The following SNTG1 variants were observed in gnomAD, a reference collection of about 807,000 sequenced individuals.
The protein encoded by SNTG1 is gamma-1-syntrophin.
Under a neutral mutation model 74.7 loss-of-function variants are expected in SNTG1, and 39 were observed. That is an observed-to-expected ratio of 0.52 (90% confidence interval 0.40 to 0.68). The LOEUF (loss-of-function observed/expected upper bound fraction) is 0.68. Ranked by LOEUF, SNTG1 falls within the 30% of genes least tolerant of loss-of-function variation. SNTG1 has a pLI of 0.00. For synonymous variants in SNTG1, 254 were observed against 217.1 expected (o/e 1.17, Z -1.49); for missense variants, 685 against 609.5 (o/e 1.12, Z -1.30).
intron 12 of SNTG1, among the ~76,000 whole-genome samples, chr8:50,572,800 A>G (rs543022852): frequency 1.3e-5 from 2 of 152,278 alleles, no homozygotes; most frequent in Non-Finnish European, 2.9e-5. Context: ...TCTATAGAAT[A>G]ATGATCTCTC....
At chr8:50,017,702 G>A (rs1816457942) in intron 1 of SNTG1, among the ~76,000 whole-genome samples, 1 of 151,782 alleles carries the variant, frequency 6.6e-6, no homozygotes, top group Admixed American at 6.6e-5. Context: ...TCAAAAAATG[G>A]AAGATATATG....
intron 17 of SNTG1, among the ~76,000 whole-genome samples, chr8:50,749,270 G>A (rs770991462): frequency 1.3e-5 from 2 of 152,110 alleles, no homozygotes; most frequent in African/African-American, 2.4e-5. Flanking sequence ...TCTCTTTTCA[G>A]ATCTATGAAA....
chr8:50,727,015 G>A (rs1164727745), intron 17 of SNTG1, among the ~76,000 whole-genome samples: 1 of 152,108 alleles, frequency 6.6e-6, no homozygotes, highest in Non-Finnish European at 1.5e-5. Flanking sequence ...AAAAAGGGAA[G>A]GGAGTGGGCT....
chr8:50,302,459 T>A (rs1452674170), intron 2 of SNTG1, among the ~76,000 whole-genome samples: 1 of 152,132 alleles, frequency 6.6e-6, no homozygotes, highest in African/African-American at 2.4e-5. Context: ...ACTGCCACCT[T>A]CTGTAGTGAG....
chr8:50,007,565 T>G (rs1458173861), intron 1 of SNTG1, among the ~76,000 whole-genome samples: 8 of 152,034 alleles, frequency 5.3e-5, no homozygotes, highest in African/African-American at 1.9e-4. Flanking sequence ...ATTTTAAAGG[T>G]CAGAAAGGTA....
At chr8:49,962,070 GC>G in intron 1 of SNTG1, among the ~76,000 whole-genome samples, 1 of 152,254 alleles carries the variant, frequency 6.6e-6, no homozygotes, top group Non-Finnish European at 1.5e-5. Flanking sequence ...TTAGTAGGTT[GC>G]CCTTGAGCGG....
At chr8:49,965,720 T>G (rs545408006) in intron 1 of SNTG1, among the ~76,000 whole-genome samples, 65 of 152,214 alleles carry the variant, frequency 4.3e-4, no homozygotes, top group African/African-American at 1.3e-3. Context: ...ATAACACAAA[T>G]AGGGCCCACT....
chr8:50,270,646 A>T (rs904485512), intron 2 of SNTG1, among the ~76,000 whole-genome samples: 1 of 152,192 alleles, frequency 6.6e-6, no homozygotes, highest in Non-Finnish European at 1.5e-5. Context: ...ACTCACTCCT[A>T]TTCAGGTCTC....
chr8:50,274,757 T>C (rs903715450), intron 2 of SNTG1, among the ~76,000 whole-genome samples: 6 of 152,210 alleles, frequency 3.9e-5, no homozygotes, highest in Non-Finnish European at 5.9e-5. Flanking sequence ...AAGGTTTTAA[T>C]CATTGATGGG....
At chr8:50,361,375 T>G (rs1587312497) in intron 2 of SNTG1, among the ~76,000 whole-genome samples, 1 of 152,312 alleles carries the variant, frequency 6.6e-6, no homozygotes, top group African/African-American at 2.4e-5. Context: ...GTCACATTTT[T>G]AGAAATATGT....
chr8:50,785,095 T>TA (rs563078912), intron 18 of SNTG1, among the ~76,000 whole-genome samples: 4 of 151,860 alleles, frequency 2.6e-5, no homozygotes, highest in Admixed American at 6.6e-5. Flanking sequence ...TATTAAGTAA[T>TA]AAAAAAATCT....
At chr8:50,642,508 C>T (rs1475051901) in intron 13 of SNTG1, among the ~76,000 whole-genome samples, 1 of 152,186 alleles carries the variant, frequency 6.6e-6, no homozygotes, top group Admixed American at 6.5e-5. Context: ...ATCAACTACT[C>T]TCTTCAAACA....
chr8:50,439,505 A>G (rs1206844123), intron 5 of SNTG1, among the ~76,000 whole-genome samples: 2 of 152,058 alleles, frequency 1.3e-5, no homozygotes, highest in Non-Finnish European at 2.9e-5. Context: ...AGAAATCAGT[A>G]TGCAATAGCG....
In SNTG1 at chr8:49,999,922, G is replaced by C. The variant is rs187990129; in HGVS notation, c.-103+87691G>C. On this transcript the variant is annotated intron_variant, in intron 1 of 18. Transcript: ENST00000642720. ...AATGATTTTTTGTCCCCTCTATTTTGTTTCCTGTTGTATTCCCAGGGCCTC... is the reference window on the plus strand; with the variant it reads ...AATGATTTTTTGTCCCCTCTATTTTCTTTCCTGTTGTATTCCCAGGGCCTC... Among the ~76,000 whole-genome samples the C allele has an allele frequency of 4.9e-3, 753 of 152,170 alleles. 3 individuals are homozygous for C. Among genetic ancestry groups the C allele is most frequent in the Admixed American group, 0.012 (188 of 15,276 alleles).
intron 1 of SNTG1, among the ~76,000 whole-genome samples, chr8:50,148,503 A>C (rs1586479777): frequency 1.3e-5 from 2 of 152,154 alleles, no homozygotes; most frequent in Admixed American, 6.6e-5. Context: ...GGTGTGCTGC[A>C]CCCATTAACT....
chr8:50,036,626 C>T (rs890000415), intron 1 of SNTG1, among the ~76,000 whole-genome samples: 7 of 152,144 alleles, frequency 4.6e-5, no homozygotes, highest in African/African-American at 7.2e-5. Context: ...GCTCTTAGAA[C>T]GGTGTCTAGT....
chr8:50,187,199 A>G (rs1237862830), intron 2 of SNTG1, among the ~76,000 whole-genome samples: 2 of 152,176 alleles, frequency 1.3e-5, no homozygotes, highest in Non-Finnish European at 2.9e-5. Flanking sequence ...AAAAGAGATC[A>G]TATAGCCAAG....
At chr8:50,035,711 G>A (rs554575685) in intron 1 of SNTG1, among the ~76,000 whole-genome samples, 150 of 152,206 alleles carry the variant, frequency 9.9e-4, no homozygotes, top group South Asian at 5.4e-3. Flanking sequence ...ACAGTTCTTC[G>A]CTGAGGACTA....
intron 2 of SNTG1, among the ~76,000 whole-genome samples, chr8:50,380,620 C>G (rs1302138228): frequency 6.6e-6 from 1 of 152,178 alleles, no homozygotes; most frequent in African/African-American, 2.4e-5. Flanking sequence ...ACTTAGCTCT[C>G]CATGGGTGCA....
Sources: allele counts gnomAD v4.1 joint callset (sites outside exome capture counted in the v4.1 genomes callset), GRCh38; gene constraint gnomAD v4.1.1; transcripts MANE v1.5; gene names NCBI Gene and HGNC (gene_info 2026-07-23, HGNC 2026-07-21).